The following HEATR1 variants were observed in gnomAD, a reference collection of about 807,000 sequenced individuals.
HEATR1 encodes HEAT repeat containing 1, also known as HEAT repeat-containing protein 1.
HEATR1 carries 77 observed loss-of-function variants against 248.2 expected under a neutral mutation model. That is an observed-to-expected ratio of 0.31 (90% CI 0.26 to 0.37). HEATR1 has a LOEUF of 0.37. Ranked by LOEUF, HEATR1 falls within the 10% of genes least tolerant of loss-of-function variation. The pLI, the probability that HEATR1 is intolerant of heterozygous loss-of-function variation, is 1.00. For synonymous variants in HEATR1, 897 were observed against 923.1 expected (o/e 0.97, Z 0.51); for missense variants, 2,420 against 2,504.9 (o/e 0.97, Z 0.72).
rs372699268 is a variant in HEATR1 at position 236,570,405 on chromosome 1, A to G, written c.3948+946T>C. Among the ~76,000 whole-genome samples the G allele has an allele frequency of 2.0e-5, 3 of 152,166 alleles. No homozygotes were observed. In the East Asian group the frequency reaches 5.8e-4, roughly 29 times the overall value. ...ATGTCCAGCATAGGCAGATTGAGAGAGACAGAAAATGGATTACTAGTGGCC... is the reference window on the plus strand; with the variant it reads ...ATGTCCAGCATAGGCAGATTGAGAGGGACAGAAAATGGATTACTAGTGGCC... On this transcript the variant is annotated intron_variant, in intron 28 of 44. Transcript: ENST00000366582.
intron 25 of HEATR1, 23 bp from the exon 26 acceptor site, chr1:236,572,577 C>A (rs202078967): frequency 2.1e-5 from 34 of 1,612,658 alleles, no homozygotes; most frequent in Admixed American, 5.0e-5. Flanking sequence ...GAAGACAAAA[C>A]GTTGGAAAAG....
intron 30 of HEATR1, among the ~76,000 whole-genome samples, chr1:236,566,369 G>A (rs989386607): frequency 6.6e-5 from 10 of 152,102 alleles, no homozygotes; most frequent in African/African-American, 2.4e-4. Flanking sequence ...ATACTCTGCT[G>A]GGCTTAAAAG....
At chr1:236,554,560 G>A in intron 42 of HEATR1, 38 bp downstream of exon 42, 1 of 1,598,518 alleles carries the variant, frequency 6.3e-7, no homozygotes, top group Non-Finnish European at 8.5e-7. Context: ...GAACAGTGAT[G>A]GCTTCCTCAG....
In HEATR1 at chr1:236,571,452, A is replaced by C. The variant is rs1354165077; in HGVS notation, c.3847T>G (p.Phe1283Val). ...IPKDILDEEK[F>V]NVELIVQCIR... ...CACTGAACTATCAACTCCACGTTGA[A>C]CTTCTCCTCATCTAAAATATCTACA... is the stretch of plus-strand genomic sequence containing the variant. Residue 1283 changes from phenylalanine (F) to valine (V), a missense_variant, in exon 28 of 45, where the codon TTC (phenylalanine) becomes GTC (valine). Transcript: ENST00000366582. The C allele has an allele frequency of 3.7e-6, 6 of 1,613,980 alleles. No individual in the cohort carries two copies. In the East Asian group the frequency reaches 1.1e-4, roughly 30 times the overall value.
At chr1:236,572,643 G>A (rs1315384090) in intron 25 of HEATR1, 82 bp downstream of exon 25, 2 of 1,594,526 alleles carry the variant, frequency 1.3e-6, no homozygotes, top group Admixed American at 1.7e-5. Flanking sequence ...GCAAATTGAT[G>A]AGTATCAAAA....
intron 12 of HEATR1, among the ~76,000 whole-genome samples, chr1:236,590,523 G>T (rs531136371): frequency 1.3e-5 from 2 of 152,020 alleles, no homozygotes; most frequent in East Asian, 3.9e-4. Context: ...TGCTGTGACC[G>T]GCCCAAAATC....
At chr1:236,578,277 C>A (rs1286355042) in intron 20 of HEATR1, among the ~76,000 whole-genome samples, 1 of 152,208 alleles carries the variant, frequency 6.6e-6, no homozygotes, top group Non-Finnish European at 1.5e-5. Context: ...ATTTAACAAT[C>A]CACATAACCA....
chr1:236,557,420 GA>G (rs1663008355), intron 36 of HEATR1, 75 bp from the exon 37 acceptor site: 3 of 1,491,802 alleles, frequency 2.0e-6, no homozygotes, highest in East Asian at 2.3e-5. Context: ...AGGGCATTAT[GA>G]AAAAAACCAG....
chr1:236,566,637 G>C lies in HEATR1; in HGVS notation c.4308+9C>G. 6.3e-7 allele frequency: 1 copy of C among 1,592,562 alleles called. No individual in the cohort carries two copies. The highest frequency in any genetic ancestry group is 8.6e-7 in the Non-Finnish European group (1 of 1,161,096). On this transcript the variant is annotated intron_variant, in intron 30 of 44. Transcript: ENST00000366582. The stretch of plus-strand genomic sequence containing the variant: ...CCATTTTCCTTATCTTCCCACCCTA[G>C]GTTCTGACCTTTTCGCCATAGGCAG...
chr1:236,559,685 A>G, intron 34 of HEATR1, 29 bp downstream of exon 34: 1 of 1,570,190 alleles, frequency 6.4e-7, no homozygotes, highest in Non-Finnish European at 8.7e-7. Context: ...GCAACAAAAC[A>G]GTAATTCCAG....
intron 20 of HEATR1, among the ~76,000 whole-genome samples, chr1:236,580,754 T>A (rs144953769): frequency 2.0e-5 from 3 of 151,760 alleles, no homozygotes; most frequent in African/African-American, 7.2e-5. Context: ...TGGCCTCAAG[T>A]GATCCTCCTG....
chr1:236,555,789 G>A lies in HEATR1; in HGVS notation c.5649+16C>T, dbSNP rs1662953445. On this transcript the variant is annotated intron_variant, in intron 39 of 44. Coordinates refer to ENST00000366582, the MANE Select transcript of HEATR1 (RefSeq NM_018072.6). ...GATAACAGCTTTAGGATTTGGAGGAGTGAACCTGAGCTTACCTCAGAGTGC... is the reference window on the plus strand; with the variant it reads ...GATAACAGCTTTAGGATTTGGAGGAATGAACCTGAGCTTACCTCAGAGTGC... 1 of 1,614,124 alleles carries A rather than the reference G, an allele frequency of 6.2e-7. No homozygotes were observed. The highest frequency in any genetic ancestry group is 8.5e-7 in the Non-Finnish European group (1 of 1,179,942).
chr1:236,565,835 G>C, intron 31 of HEATR1, 84 bp downstream of exon 31: 1 of 1,250,922 alleles, frequency 8.0e-7, no homozygotes, highest in Admixed American at 2.3e-5. Flanking sequence ...TCCTTCTGAA[G>C]ATGTACTAAG....
At chr1:236,555,004 A>T (rs1662919853) in intron 41 of HEATR1, among the ~76,000 whole-genome samples, 1 of 152,230 alleles carries the variant, frequency 6.6e-6, no homozygotes, top group Non-Finnish European at 1.5e-5. Flanking sequence ...ACGTATTAGC[A>T]TTAGAGAATA....
chr1:236,555,206 C>G, intron 41 of HEATR1, 90 bp downstream of exon 41: 1 of 1,352,684 alleles, frequency 7.4e-7, no homozygotes, highest in Non-Finnish European at 1.0e-6. Flanking sequence ...CCTCTAAAAT[C>G]TTGCTTCCAA....
Position 236,592,937 on chromosome 1 carries a change from G to A in HEATR1, c.1194-304C>T, listed in dbSNP as rs151172236. 4.2e-4 allele frequency among the ~76,000 whole-genome samples: 64 copies of A among 152,324 alleles called. 1 individual carries two copies. The highest frequency in any genetic ancestry group is 7.1e-4 in the Non-Finnish European group (48 of 68,026). ...TTTTAAATGGTGCTGGCTCACGCCT[G>A]TAATCCCAGTACTTTGGGAGGCCAA... On this transcript the variant is annotated intron_variant, in intron 9 of 44. Coordinates refer to ENST00000366582, the MANE Select transcript of HEATR1 (RefSeq NM_018072.6).
rs752305136 is a variant in HEATR1, at chr1:236,592,088, C to A, written c.1327G>T (p.Val443Leu). 1 of 1,592,428 alleles carries A rather than the reference C, an allele frequency of 6.3e-7. No individual in the cohort carries two copies. Among genetic ancestry groups the A allele is most frequent in the Non-Finnish European group, 8.6e-7 (1 of 1,162,790 alleles). Residue 443 changes from valine to leucine, a missense_variant, in exon 11 of 45, where the codon GTA becomes TTA. Physicochemically the swap from Val to Leu is conservative, Grantham distance 32. Coordinates refer to ENST00000366582, the MANE Select transcript of HEATR1 (RefSeq NM_018072.6). ...ATTTCCTTTAAGTGTTCCTCTAATA[C>A]AACATCTAATGTTCTGGGGTATCTG... is the stretch of plus-strand genomic sequence containing the variant. The part of the protein sequence containing the change: ...ESKYPRTLDV[V>L]LEEHLKEIAD...
chr1:236,573,163 A>G (rs1663473057), intron 24 of HEATR1, among the ~76,000 whole-genome samples: 4 of 152,202 alleles, frequency 2.6e-5, no homozygotes, highest in Non-Finnish European at 5.9e-5. Context: ...ACAGCCCTGC[A>G]CTTGTCTTGA....
chr1:236,580,272 TAA>T (rs549934432), intron 20 of HEATR1, among the ~76,000 whole-genome samples: 96 of 152,362 alleles, frequency 6.3e-4, no homozygotes, highest in African/African-American at 2.1e-3. Context: ...TTATGCCCGA[TAA>T]AAGAGATAAA....
Sources: allele counts gnomAD v4.1 joint callset (sites outside exome capture counted in the v4.1 genomes callset), GRCh38; gene constraint gnomAD v4.1.1; transcripts MANE v1.5; gene names NCBI Gene and HGNC (gene_info 2026-07-23, HGNC 2026-07-21).